Variants in HRK observed in about 807,000 individuals in gnomAD.
The protein encoded by HRK is activator of apoptosis harakiri.
Under a neutral mutation model 5.9 loss-of-function variants are expected in HRK, and 6 were observed. The observed-to-expected ratio is 1.02, with a 90% CI of 0.56 to 2.01. The LOEUF (loss-of-function observed/expected upper bound fraction) is 2.01, where lower values mean the gene tolerates loss of function less well. Among genes scored for constraint, HRK ranks in the 30% most tolerant of loss-of-function variants. The pLI, the probability that HRK is intolerant of heterozygous loss-of-function variation, is 0.00. For synonymous variants in HRK, 85 were observed against 65.1 expected (o/e 1.31, Z -1.47); for missense variants, 133 against 128.3 (o/e 1.04, Z -0.18).
In HRK at chr12:116,862,245, C is replaced by A. The variant is rs1184525889; in HGVS notation, c.*57-779G>T. 6.6e-6 allele frequency among the ~76,000 whole-genome samples: 1 copy of A among 152,184 alleles called. No homozygotes were observed. The highest frequency in any genetic ancestry group is 1.9e-4 in the East Asian group (1 of 5,198). On this transcript the variant is annotated intron_variant, in intron 1 of 1. Transcript: ENST00000257572. The surrounding 1 kb of genome is among the most constrained non-coding windows in gnomAD (Gnocchi z 4.0). ...ACAGCCCATACCCAGGAGCATCCAC[C>A]ACAGAATGCACAAAATGTGTGCACA...
chr12:116,872,059 G>A (rs554578861), intron 1 of HRK, among the ~76,000 whole-genome samples: 2 of 152,134 alleles, frequency 1.3e-5, no homozygotes, highest in Non-Finnish European at 2.9e-5. Context: ...GTAAATGATG[G>A]ACTAACCAAA....
Position 116,863,729 on chromosome 12 carries a change from C to T in HRK, c.*57-2263G>A, listed in dbSNP as rs559190710. On this transcript the variant is annotated intron_variant, in intron 1 of 1. Coordinates refer to ENST00000257572, the MANE Select transcript of HRK (RefSeq NM_003806.4). Reference sequence around the variant, plus strand: ...TTTTTTTTTTAAAGAAACTGGGTCTCGCTCTGCCACCCAGGCAGGAGTGCA... The same window carrying T: ...TTTTTTTTTTAAAGAAACTGGGTCTTGCTCTGCCACCCAGGCAGGAGTGCA... 1.5e-3 allele frequency among the ~76,000 whole-genome samples: 232 copies of T among 150,996 alleles called. 1 individual carries two copies. The highest frequency in any genetic ancestry group is 5.3e-3 in the African/African-American group (217 of 41,048).
At position 116,858,170 on chromosome 12, in the gene HRK, G is replaced by A. The variant is rs1160293495; in HGVS notation, c.*3353C>T. 1 of 144,952 alleles carries A rather than the reference G, an allele frequency of 6.9e-6. No homozygotes were observed. Among genetic ancestry groups the A allele is most frequent in the Non-Finnish European group, 1.5e-5 (1 of 66,706 alleles). 9.0% of individuals were successfully genotyped at this position (144,952 alleles called of 1,614,324 possible). A position where few individuals can be genotyped will look rare whatever the true frequency, so the allele number is the denominator to read the frequency against. On this transcript the variant is annotated 3_prime_UTR_variant, in exon 2 of 2. Coordinates refer to ENST00000257572, the MANE Select transcript of HRK (RefSeq NM_003806.4). ...AAACAGGAACTGGGCTCTAAGAGAT[G>A]CGCAGGGCCAAAAAAAACCCAAAAA...
At position 116,857,914 on chromosome 12, in the gene HRK, C is replaced by T. The variant is rs11068212; in HGVS notation, c.*3609G>A. The T allele has an allele frequency of 0.026, 4,023 of 151,934 alleles. 157 individuals carry two copies. Among genetic ancestry groups the T allele is most frequent in the East Asian group, 0.13 (652 of 5,146 alleles). 9.4% of individuals were successfully genotyped at this position (151,934 alleles called of 1,614,324 possible). On this transcript the variant is annotated 3_prime_UTR_variant, in exon 2 of 2. Transcript: ENST00000257572. ...ACTAAAAATACAAAAATTAGCCGAGCGTGGTGGTGGGTGCCTGTAATCCCA... is the reference window on the plus strand; with the variant it reads ...ACTAAAAATACAAAAATTAGCCGAGTGTGGTGGTGGGTGCCTGTAATCCCA...
chr12:116,879,794 C>G lies in HRK; in HGVS notation c.*56+1182G>C, dbSNP rs1049756917. Among the ~76,000 whole-genome samples, 1 of 152,210 alleles carries G rather than the reference C, an allele frequency of 6.6e-6. No homozygotes were observed. The highest frequency in any genetic ancestry group is 2.4e-5 in the African/African-American group (1 of 41,470). On this transcript the variant is annotated intron_variant, in intron 1 of 1. Coordinates refer to ENST00000257572, the MANE Select transcript of HRK (RefSeq NM_003806.4). The surrounding 1 kb of genome is among the most constrained non-coding windows in gnomAD (Gnocchi z 5.6). ...CGCGGGCGCAGACGCTCGGGCCTCG[C>G]CTTCAGGCGCCGCTCCAACTTCCCA...
chr12:116,880,854 C>T (rs1436620792), intron 1 of HRK, 122 bp downstream of exon 1: 6 of 359,870 alleles, frequency 1.7e-5, no homozygotes, highest in Non-Finnish European at 9.8e-6. Flanking sequence ...GAGAAGAGAA[C>T]GGAGGAAGAA....
rs11068214 is a variant in HRK at position 116,862,556 on chromosome 12, C to T, written c.*57-1090G>A. Among the ~76,000 whole-genome samples the T allele has an allele frequency of 0.075, 11,358 of 152,060 alleles. 1,261 individuals are homozygous for T. Among genetic ancestry groups the T allele is most frequent in the African/African-American group, 0.24 (9,926 of 41,410 alleles). On this transcript the variant is annotated intron_variant, in intron 1 of 1. Coordinates refer to ENST00000257572, the MANE Select transcript of HRK (RefSeq NM_003806.4). This position sits in a 1 kb window ranked among gnomAD's most constrained non-coding sequence, Gnocchi z 4.0. ...AAGGAGAATGGTGGTTGCCTAGGGC[C>T]GGGGCGGATAGGAGGAATTGGGGAG...
rs986800384 is a variant in HRK, at chr12:116,857,654, G to A, written c.*3869C>T. ...CAGAAACATAATAATAGGAGAACAT[G>A]AGATCAGCTACATACATTGTGAAAA... On this transcript the variant is annotated 3_prime_UTR_variant, in exon 2 of 2. Transcript: ENST00000257572. 1.3e-5 allele frequency: 2 copies of A among 152,204 alleles called. No homozygotes were observed. Among genetic ancestry groups the A allele is most frequent in the Admixed American group, 6.5e-5 (1 of 15,282 alleles). The allele number at this position is 152,204 out of a possible 1,614,324, so 9.4% of individuals were successfully genotyped here.
chr12:116,872,129 G>C (rs1442180092), intron 1 of HRK, among the ~76,000 whole-genome samples: 1 of 152,170 alleles, frequency 6.6e-6, no homozygotes, highest in Non-Finnish European at 1.5e-5. Flanking sequence ...CCAGCACTTT[G>C]GGAGGCCAAG....
At chr12:116,865,483 T>A (rs1251878732) in intron 1 of HRK, among the ~76,000 whole-genome samples, 2 of 152,154 alleles carry the variant, frequency 1.3e-5, no homozygotes, top group African/African-American at 4.8e-5. Flanking sequence ...GCTGAGATCA[T>A]GCCTCTGCAC....
At position 116,881,234 on chromosome 12, in the gene HRK, A is replaced by C. The variant is rs1418987656; in HGVS notation, c.74T>G (p.Leu25Arg). Residue 25 changes from leucine to arginine, a missense_variant, in exon 1 of 2, where the codon CTG becomes CGG. Leu to Arg is a moderately radical substitution (Grantham distance 102). Coordinates refer to ENST00000257572, the MANE Select transcript of HRK (RefSeq NM_003806.4). Reference protein sequence around the residue: ...VCACSAGRLGLRSSAAQLTAA... With the variant: ...VCACSAGRLGRRSSAAQLTAA... The stretch of plus-strand genomic sequence containing the variant: ...GGTGAGCTGCGCGGCGGACGAGCGC[A>C]GCCCCAGGCGACCCGCGCTGCAGGC... The C allele has an allele frequency of 3.6e-6, 4 of 1,103,694 alleles. No homozygotes were observed. The African/African-American group carries it at 6.7e-5, about 18-fold the overall frequency. 68.4% of individuals were successfully genotyped at this position (1,103,694 alleles called of 1,614,324 possible).
intron 1 of HRK, among the ~76,000 whole-genome samples, chr12:116,868,130 T>G (rs1489974962): frequency 3.0e-3 from 2 of 668 alleles, no homozygotes; most frequent in Non-Finnish European, 5.0e-3. Context: ...AAATGACTGA[T>G]TTTTTTTTTT....
chr12:116,856,939 T>G lies in HRK; in HGVS notation c.*4584A>C, dbSNP rs529764437. The G allele has an allele frequency of 6.6e-6, 1 of 152,416 alleles. No homozygotes were observed. The highest frequency in any genetic ancestry group is 2.4e-5 in the African/African-American group (1 of 41,586). The allele number at this position is 152,416 out of a possible 1,614,324, so 9.4% of individuals were successfully genotyped here. On this transcript the variant is annotated 3_prime_UTR_variant, in exon 2 of 2. Coordinates refer to ENST00000257572, the MANE Select transcript of HRK (RefSeq NM_003806.4). The surrounding 1 kb of genome is among the most constrained non-coding windows in gnomAD (Gnocchi z 4.4). ...ACGGGTAAAGCACTTCGCCCAGTGC[T>G]TGGGAGTGGCGAGCACGCCATAAAA... is the stretch of plus-strand genomic sequence containing the variant.
chr12:116,860,023 C>G lies in HRK; in HGVS notation c.*1500G>C, dbSNP rs1878301376. Reference sequence around the variant, plus strand: ...TGGCGTCTTAGAACTGGAGCGGTGTCTGCTAACCAGCCTGCTGGACCCTCT... The same window carrying G: ...TGGCGTCTTAGAACTGGAGCGGTGTGTGCTAACCAGCCTGCTGGACCCTCT... On this transcript the variant is annotated 3_prime_UTR_variant, in exon 2 of 2. Coordinates refer to ENST00000257572, the MANE Select transcript of HRK (RefSeq NM_003806.4). The G allele has an allele frequency of 6.6e-6, 1 of 152,258 alleles. No individual in the cohort carries two copies. Among genetic ancestry groups the G allele is most frequent in the Admixed American group, 6.5e-5 (1 of 15,280 alleles). The allele number at this position is 152,258 out of a possible 1,614,324, so 9.4% of individuals were successfully genotyped here.
intron 1 of HRK, chr12:116,876,886 A>G (rs1022745586): frequency 6.6e-6 from 1 of 152,264 alleles, no homozygotes; most frequent in Non-Finnish European, 1.5e-5. Flanking sequence ...CTTCCCCCGC[A>G]AGTCATGGGG....
intron 1 of HRK, among the ~76,000 whole-genome samples, chr12:116,869,856 G>A (rs1878682101): frequency 6.6e-6 from 1 of 152,152 alleles, no homozygotes; most frequent in African/African-American, 2.4e-5. Context: ...GGCATATCTG[G>A]ATCACTTGAG....
rs551156105 is a variant in HRK, at chr12:116,856,268, C to T, written c.*5255G>A. On this transcript the variant is annotated 3_prime_UTR_variant, in exon 2 of 2. Transcript: ENST00000257572. The surrounding 1 kb of genome is among the most constrained non-coding windows in gnomAD (Gnocchi z 4.4). ...GAACCAACAACGTCAGAACCCAGAACGGAACGTCCCCAAGCTTATTGCCTC... is the reference window on the plus strand; with the variant it reads ...GAACCAACAACGTCAGAACCCAGAATGGAACGTCCCCAAGCTTATTGCCTC... 6 of 152,320 alleles carry T rather than the reference C, an allele frequency of 3.9e-5. No individual in the cohort carries two copies. Among genetic ancestry groups the T allele is most frequent in the South Asian group, 4.1e-4 (2 of 4,820 alleles). 9.4% of individuals were successfully genotyped at this position (152,320 alleles called of 1,614,324 possible).
chr12:116,872,425 T>C (rs1403753147), intron 1 of HRK, among the ~76,000 whole-genome samples: 1 of 152,064 alleles, frequency 6.6e-6, no homozygotes, highest in African/African-American at 2.4e-5. Flanking sequence ...AACAAATGCC[T>C]GTGATATATG....
intron 1 of HRK, among the ~76,000 whole-genome samples, chr12:116,872,371 A>G (rs1878785275): frequency 6.6e-6 from 1 of 152,204 alleles, no homozygotes. Flanking sequence ...TCTCAAAACA[A>G]ACAAACAAAA....
Sources: allele counts gnomAD v4.1 joint callset (sites outside exome capture counted in the v4.1 genomes callset), GRCh38; gene constraint gnomAD v4.1.1; non-coding constraint Gnocchi (gnomAD v3.1); transcripts MANE v1.5; gene names NCBI Gene and HGNC (gene_info 2026-07-23, HGNC 2026-07-21).